Variants in CPLX2 observed in about 807,000 individuals in gnomAD.
CPLX2 encodes complexin-2.
In CPLX2, 5 loss-of-function variants were observed where a neutral mutation model predicts 16.3. The observed-to-expected ratio is 0.31, with a 90% confidence interval of 0.16 to 0.64. The LOEUF (loss-of-function observed/expected upper bound fraction) is 0.64. CPLX2 is among the 30% of genes least tolerant of loss of function. The pLI, the probability that CPLX2 is intolerant of heterozygous loss-of-function variation, is 0.79. For synonymous variants in CPLX2, 89 were observed against 73.2 expected (o/e 1.22, Z -1.10); for missense variants, 144 against 181.4 (o/e 0.79, Z 1.18).
At chr5:175,824,351 C>A (rs2113649085) in intron 2 of CPLX2, among the ~76,000 whole-genome samples, 1 of 152,290 alleles carries the variant, frequency 6.6e-6, no homozygotes, top group East Asian at 1.9e-4. Flanking sequence ...ATATAGCAAG[C>A]AATATTGTTA....
Position 175,872,080 on chromosome 5 carries a change from C to G in CPLX2, c.-89+375C>G, listed in dbSNP as rs1759637718. On this transcript the variant is annotated intron_variant, in intron 1 of 3. Transcript: ENST00000393745. This position sits in a 1 kb window ranked among gnomAD's most constrained non-coding sequence, Gnocchi z 5.0. ...TGAACCCAGAGAACAACTTTGAGCT[C>G]GCGGGAGTGGGGGACGTCGATCTAA... 1 of 152,332 alleles carries G rather than the reference C, an allele frequency of 6.6e-6. No individual in the cohort carries two copies. Among genetic ancestry groups the G allele is most frequent in the South Asian group, 2.1e-4 (1 of 4,828 alleles). The allele number at this position is 152,332 out of a possible 1,614,324, so 9.4% of individuals were successfully genotyped here.
intron 2 of CPLX2, among the ~76,000 whole-genome samples, chr5:175,842,011 A>G (rs973916169): frequency 2.0e-5 from 3 of 152,236 alleles, no homozygotes. Flanking sequence ...ATCAGCCACA[A>G]GCATTCCTCC....
At chr5:175,876,426 AG>A (rs945480865) in intron 1 of CPLX2, among the ~76,000 whole-genome samples, 5 of 152,172 alleles carry the variant, frequency 3.3e-5, no homozygotes, top group Non-Finnish European at 7.3e-5. Flanking sequence ...GAAGAAGAGG[AG>A]TCAGAAAAGG....
At position 175,840,203 on chromosome 5, in the gene CPLX2, G is replaced by GT. The variant is rs34993583; in HGVS notation, c.-89+31144dup. Reference sequence around the variant, plus strand: ...GAGATCTTCAAAGCATAAAACATATGTTTTTTTTTCAAAGACTGACAGAAA... The same window carrying GT: ...GAGATCTTCAAAGCATAAAACATATGTTTTTTTTTTCAAAGACTGACAGAAA... On this transcript the variant is annotated intron_variant, in intron 2 of 4. Coordinates refer to the CPLX2 transcript ENST00000359546. Among the ~76,000 whole-genome samples the GT allele has an allele frequency of 3.8e-3, 576 of 150,250 alleles. 1 individual carries two copies. Among genetic ancestry groups the GT allele is most frequent in the Non-Finnish European group, 5.3e-3 (358 of 67,482 alleles).
At chr5:175,803,079 G>A (rs1392858802) in intron 1 of CPLX2, among the ~76,000 whole-genome samples, 1 of 152,142 alleles carries the variant, frequency 6.6e-6, no homozygotes, top group East Asian at 1.9e-4. Flanking sequence ...TGATCCGTTT[G>A]CTGGGATCCG....
At chr5:175,861,747 A>G (rs1759376676) in intron 2 of CPLX2, 1 of 152,254 alleles carries the variant, frequency 6.6e-6, no homozygotes, top group Admixed American at 6.5e-5. Flanking sequence ...TGCTTTGTTC[A>G]GCTCTCACTG....
intron 2 of CPLX2, among the ~76,000 whole-genome samples, chr5:175,818,932 G>T (rs1354273110): frequency 2.0e-5 from 3 of 152,022 alleles, no homozygotes; most frequent in Non-Finnish European, 4.4e-5. Context: ...CAAAGTGCTG[G>T]GATTACAGGC....
upstream of CPLX2, among the ~76,000 whole-genome samples, chr5:175,870,890 C>T (rs183783249): frequency 3.9e-5 from 6 of 152,146 alleles, no homozygotes; most frequent in South Asian, 2.1e-4. Context: ...TGACCCACTG[C>T]GAGGGTCTTG....
rs531796980 is a variant in CPLX2, at chr5:175,830,979, C to G, written c.-89+21911C>G. Among the ~76,000 whole-genome samples the G allele has an allele frequency of 4.6e-5, 7 of 152,304 alleles. No individual in the cohort carries two copies. The South Asian group carries it at 1.2e-3, about 27-fold the overall frequency. ...TGTGTCAGTGCGATTGTGAGCATGG[C>G]TGGGGGTGCGCGTGTGTGCTCATGG... On this transcript the variant is annotated intron_variant, in intron 2 of 4. Coordinates refer to the CPLX2 transcript ENST00000359546. This position sits in a 1 kb window ranked among gnomAD's most constrained non-coding sequence, Gnocchi z 4.0.
intron 2 of CPLX2, among the ~76,000 whole-genome samples, chr5:175,859,942 C>T (rs928692460): frequency 2.0e-5 from 3 of 152,124 alleles, no homozygotes; most frequent in African/African-American, 2.4e-5. Flanking sequence ...TCCAGGTGGC[C>T]GAGACAGAAA....
Position 175,879,044 on chromosome 5 carries a change from G to A in CPLX2, c.168G>A (p.Glu56=). 1 of 1,587,292 alleles carries A rather than the reference G, an allele frequency of 6.3e-7. No homozygotes were observed. Residue 56 remains glutamate, a synonymous_variant, in exon 3 of 4, where the codon GAG becomes GAA. Coordinates refer to ENST00000393745, the MANE Select transcript of CPLX2 (RefSeq NM_001008220.2). Reference sequence around the variant, plus strand: ...GTAAGGCCAAGCACGCGCGCATGGAGGCGGAGCGGGAGAAGGTCCGGCAGC... The same window carrying A: ...GTAAGGCCAAGCACGCGCGCATGGAAGCGGAGCGGGAGAAGGTCCGGCAGC... ...EERKAKHARM[E]AEREKVRQQI... is the part of the protein sequence containing the mutation.
At chr5:175,811,877 C>G (rs1758318318) in intron 2 of CPLX2, among the ~76,000 whole-genome samples, 1 of 152,198 alleles carries the variant, frequency 6.6e-6, no homozygotes, top group African/African-American at 2.4e-5. Flanking sequence ...CTGCCAGGAC[C>G]TTTTCATATT....
rs1561793478 is a variant in CPLX2, at chr5:175,879,099, C to CCG, written c.207+18_207+19dup. The stretch of plus-strand genomic sequence containing the variant: ...CCGAGATAAGGTCAGCTCCGCCCGC[C>CCG]CGCCCGTCCTGGGGAGGGCCACAAG... On this transcript the variant is annotated intron_variant, in intron 3 of 3. Transcript: ENST00000393745. 1.3e-6 allele frequency: 2 copies of CCG among 1,553,918 alleles called. No homozygotes were observed. Among genetic ancestry groups the CCG allele is most frequent in the Non-Finnish European group, 1.7e-6 (2 of 1,148,694 alleles).
At chr5:175,831,749 G>A (rs780575139) in intron 2 of CPLX2, among the ~76,000 whole-genome samples, 54 of 152,312 alleles carry the variant, frequency 3.5e-4, no homozygotes, top group Middle Eastern at 3.4e-3. Flanking sequence ...CTATGACATG[G>A]GATTAAACAT....
rs1196412214 is a variant in CPLX2 at position 175,880,284 on chromosome 5, G to T, written c.*239G>T. On this transcript the variant is annotated 3_prime_UTR_variant, in exon 4 of 4. Transcript: ENST00000393745. Reference sequence around the variant, plus strand: ...AAGGGAGGACAGTCTTTCCCCAGCAGGGGTCAGGGGGGCCCCTCAGGAAGC... The same window carrying T: ...AAGGGAGGACAGTCTTTCCCCAGCATGGGTCAGGGGGGCCCCTCAGGAAGC... 1.7e-6 allele frequency: 1 copy of T among 604,540 alleles called. No homozygotes were observed. Among genetic ancestry groups the T allele is most frequent in the South Asian group, 1.8e-5 (1 of 56,564 alleles). The allele number at this position is 604,540 out of a possible 1,614,324, so 37.4% of individuals were successfully genotyped here. A position where few individuals can be genotyped will look rare whatever the true frequency, so the allele number is the denominator to read the frequency against.
intron 2 of CPLX2, among the ~76,000 whole-genome samples, chr5:175,823,241 T>C (rs1289702198): frequency 6.6e-6 from 1 of 152,192 alleles, no homozygotes; most frequent in Non-Finnish European, 1.5e-5. Flanking sequence ...ACACCCAATG[T>C]TGACAAATGC....
At chr5:175,812,777 G>T (rs1758336817) in intron 2 of CPLX2, among the ~76,000 whole-genome samples, 1 of 152,274 alleles carries the variant, frequency 6.6e-6, no homozygotes, top group South Asian at 2.1e-4. Flanking sequence ...GGAAGAGAAG[G>T]CCTCAAAGAA....
intron 1 of CPLX2, among the ~76,000 whole-genome samples, chr5:175,805,999 C>T (rs139885555): frequency 1.8e-4 from 28 of 152,340 alleles, no homozygotes; most frequent in Non-Finnish European, 1.3e-4. Flanking sequence ...TGCCTTAGCA[C>T]AGTTCCCTGT....
Position 175,872,846 on chromosome 5 carries a change from G to C in CPLX2, c.-89+1141G>C, listed in dbSNP as rs1247682939. On this transcript the variant is annotated intron_variant, in intron 1 of 3. Transcript: ENST00000393745. This position sits in a 1 kb window ranked among gnomAD's most constrained non-coding sequence, Gnocchi z 5.0. ...ATAAAAACAGAAAAACGGCCATAAGGACAACCACTGCAGGTTACCCGAGTC... is the reference window on the plus strand; with the variant it reads ...ATAAAAACAGAAAAACGGCCATAAGCACAACCACTGCAGGTTACCCGAGTC... 1 of 152,370 alleles carries C rather than the reference G, an allele frequency of 6.6e-6. No homozygotes were observed. The highest frequency in any genetic ancestry group is 1.9e-4 in the East Asian group (1 of 5,188). 9.4% of individuals were successfully genotyped at this position (152,370 alleles called of 1,614,324 possible).
Sources: allele counts gnomAD v4.1 joint callset (sites outside exome capture counted in the v4.1 genomes callset), GRCh38; gene constraint gnomAD v4.1.1; non-coding constraint Gnocchi (gnomAD v3.1); transcripts MANE v1.5; gene names NCBI Gene and HGNC (gene_info 2026-07-23, HGNC 2026-07-21).